DCDC1: variants seen among roughly 807,000 people sequenced by gnomAD.
The protein encoded by DCDC1 is doublecortin domain containing 1, also known as doublecortin domain-containing protein 1.
A neutral mutation model predicts 178.3 loss-of-function variants in DCDC1; 200 were observed. The observed-to-expected ratio is 1.12, with a 90% confidence interval of 1.00 to 1.26. The LOEUF (loss-of-function observed/expected upper bound fraction) is 1.26, where lower values mean the gene tolerates loss of function less well. DCDC1 is among the 50% of genes most tolerant of loss of function. DCDC1 has a pLI of 0.00. For synonymous variants in DCDC1, 690 were observed against 604.8 expected (o/e 1.14, Z -2.07); for missense variants, 1,983 against 1,749.2 (o/e 1.13, Z -2.38).
intron 17 of DCDC1, among the ~76,000 whole-genome samples, chr11:31,078,922 T>C (rs1400341631): frequency 6.6e-6 from 1 of 151,356 alleles, no homozygotes; most frequent in African/African-American, 2.4e-5. Flanking sequence ...TTGGAAACCA[T>C]GTACTAGAAT....
chr11:31,343,902 AGAGT>A (rs1555184959), intron 1 of DCDC1, among the ~76,000 whole-genome samples: 1 of 149,674 alleles, frequency 6.7e-6, no homozygotes, highest in Non-Finnish European at 1.5e-5. Flanking sequence ...CCTGGGCAAC[AGAGT>A]GAGACTCCAT....
chr11:31,015,149 C>T (rs1016930462), intron 20 of DCDC1, among the ~76,000 whole-genome samples: 34 of 151,892 alleles, frequency 2.2e-4, no homozygotes, highest in Admixed American at 9.9e-4. Context: ...GGGGTTTCAC[C>T]GGTTTAGCCA....
intron 7 of DCDC1, among the ~76,000 whole-genome samples, chr11:31,267,631 C>A (rs1372592147): frequency 1.3e-5 from 2 of 152,194 alleles, no homozygotes; most frequent in Non-Finnish European, 2.9e-5. Flanking sequence ...ATTCTTCCTG[C>A]CTTCTTGTTT....
intron 20 of DCDC1, among the ~76,000 whole-genome samples, chr11:30,987,073 G>A (rs966752159): frequency 1.3e-5 from 2 of 152,082 alleles, no homozygotes; most frequent in African/African-American, 2.4e-5. Flanking sequence ...CTGGAGTGCC[G>A]TAGCATAATC....
intron 20 of DCDC1, among the ~76,000 whole-genome samples, chr11:30,980,510 C>A (rs1456765424): frequency 2.6e-5 from 4 of 152,060 alleles, no homozygotes; most frequent in East Asian, 3.9e-4. Flanking sequence ...CATGAAAGGG[C>A]AAATATTGGA....
At chr11:31,245,374 G>A (rs1478883486) in intron 8 of DCDC1, among the ~76,000 whole-genome samples, 4 of 151,462 alleles carry the variant, frequency 2.6e-5, no homozygotes, top group Non-Finnish European at 5.9e-5. Context: ...ATATACTGTA[G>A]ACAGTCTTCT....
In DCDC1 at chr11:30,886,129, T is replaced by A. The variant is rs916203688; in HGVS notation, c.5083-4821A>T. 3.9e-5 allele frequency among the ~76,000 whole-genome samples: 6 copies of A among 152,002 alleles called. No individual in the cohort carries two copies. In the East Asian group the frequency reaches 7.7e-4, roughly 20 times the overall value. On this transcript the variant is annotated intron_variant, in intron 36 of 38. Transcript: ENST00000684477. Reference sequence around the variant, plus strand: ...ACTATGATCACAAAGGAAAAAAAAATTATCATTGTTTAGAAATATATACAC... The same window carrying A: ...ACTATGATCACAAAGGAAAAAAAAAATATCATTGTTTAGAAATATATACAC...
chr11:30,959,090 G>C (rs1019193496), intron 20 of DCDC1, among the ~76,000 whole-genome samples: 1 of 152,152 alleles, frequency 6.6e-6, no homozygotes, highest in Non-Finnish European at 1.5e-5. Context: ...ATCTAAAATT[G>C]ATGGAAGAGG....
intron 34 of DCDC1, among the ~76,000 whole-genome samples, chr11:30,896,494 C>A (rs529926832): frequency 1.3e-5 from 2 of 152,192 alleles, no homozygotes; most frequent in Admixed American, 1.3e-4. Flanking sequence ...TCTCCCCATT[C>A]GCTGTCTTAT....
chr11:30,946,604 T>C (rs1948070668), intron 21 of DCDC1, among the ~76,000 whole-genome samples: 1 of 152,176 alleles, frequency 6.6e-6, no homozygotes, highest in African/African-American at 2.4e-5. Context: ...TCAAAAGTGC[T>C]GCAACTCATT....
At chr11:31,324,206 G>T (rs1949526029) in intron 3 of DCDC1, among the ~76,000 whole-genome samples, 2 of 151,626 alleles carry the variant, frequency 1.3e-5, no homozygotes, top group Non-Finnish European at 2.9e-5. Flanking sequence ...AGTTAAACTT[G>T]TTTACTTTGC....
chr11:31,037,523 C>T (rs566829938), intron 20 of DCDC1, among the ~76,000 whole-genome samples: 1 of 151,266 alleles, frequency 6.6e-6, no homozygotes, highest in East Asian at 2.0e-4. Flanking sequence ...AGCTCCGCCT[C>T]CCGGGATACG....
chr11:31,084,213 G>T (rs1957350026), intron 17 of DCDC1, among the ~76,000 whole-genome samples: 1 of 152,098 alleles, frequency 6.6e-6, no homozygotes. Context: ...GAGTTGTCAG[G>T]TTGCTACTTT....
At chr11:31,342,554 C>G (rs61879886) in intron 1 of DCDC1, among the ~76,000 whole-genome samples, 43,834 of 152,122 alleles carry the variant, frequency 0.29, 7,106 homozygotes, top group Non-Finnish European at 0.35. Flanking sequence ...CTTTTGTCCA[C>G]CCAGCACTCC....
intron 36 of DCDC1, among the ~76,000 whole-genome samples, chr11:30,888,024 G>A (rs375449617): frequency 2.3e-5 from 3 of 132,278 alleles, no homozygotes; most frequent in East Asian, 2.1e-4. Flanking sequence ...GAAAGAAAGA[G>A]AGAGAGAGAG....
chr11:31,137,960 G>T lies in DCDC1; in HGVS notation c.1222-176C>A, dbSNP rs777425084. Among the ~76,000 whole-genome samples, 6 of 152,198 alleles carry T rather than the reference G, an allele frequency of 3.9e-5. No individual in the cohort carries two copies. The South Asian group carries it at 1.2e-3, about 32-fold the overall frequency. The stretch of plus-strand genomic sequence containing the variant: ...TTATATTTAAAACATTTAACAAACT[G>T]AATCTTTTACTTTCAATCTTTTATT... On this transcript the variant is annotated intron_variant, in intron 9 of 38. Coordinates refer to ENST00000684477, the MANE Select transcript of DCDC1 (RefSeq NM_001387274.1).
At chr11:31,044,850 C>T (rs1415766479) in intron 20 of DCDC1, among the ~76,000 whole-genome samples, 1 of 152,138 alleles carries the variant, frequency 6.6e-6, no homozygotes, top group Non-Finnish European at 1.5e-5. Flanking sequence ...TTTTAAACTG[C>T]TATGTTTGTG....
chr11:30,996,558 C>T (rs751610983), intron 20 of DCDC1, among the ~76,000 whole-genome samples: 2 of 152,196 alleles, frequency 1.3e-5, no homozygotes, highest in South Asian at 2.1e-4. Context: ...TATAAAAGGG[C>T]GTGACAAAGG....
chr11:31,212,644 G>A (rs1041766252), intron 9 of DCDC1, among the ~76,000 whole-genome samples: 1 of 152,060 alleles, frequency 6.6e-6, no homozygotes, highest in African/African-American at 2.4e-5. Flanking sequence ...AGGCTGACAT[G>A]GGTGAATAAA....
Sources: gnomAD v4.1 joint callset for allele counts (sites outside exome capture counted in the v4.1 genomes callset) on GRCh38, gnomAD v4.1.1 for gene constraint, MANE v1.5 for transcripts, NCBI Gene and HGNC (gene_info 2026-07-23, HGNC 2026-07-21) for gene names.